ERC1: variants seen among roughly 807,000 people sequenced by gnomAD.
ERC1 encodes ELKS/RAB6-interacting/CAST family member 1, also known as RAB6 interacting protein 2.
In ERC1, 56 loss-of-function variants were observed where a neutral mutation model predicts 132.0. The ratio of observed to expected loss-of-function variants is 0.42; its 90% CI spans 0.34 to 0.53. The LOEUF (loss-of-function observed/expected upper bound fraction) is 0.53. Among genes scored for constraint, ERC1 ranks in the 20% least tolerant of loss-of-function variants. The pLI is 0.03. For synonymous variants in ERC1, 478 were observed against 476.1 expected (o/e 1.00, Z -0.05); for missense variants, 1,202 against 1,349.9 (o/e 0.89, Z 1.72).
At chr12:1,285,867 A>G (rs1383664622) in intron 14 of ERC1, among the ~76,000 whole-genome samples, 2 of 152,218 alleles carry the variant, frequency 1.3e-5, no homozygotes, top group African/African-American at 4.8e-5. Flanking sequence ...GCCTGTCTCA[A>G]TCCTGAACAT....
rs894573537 is a variant in ERC1, at chr12:1,349,589, G to A, written c.2781-22244G>A. Among the ~76,000 whole-genome samples, 7 of 151,580 alleles carry A rather than the reference G, an allele frequency of 4.6e-5. No individual in the cohort carries two copies. The South Asian group carries it at 1.0e-3, about 23-fold the overall frequency. On this transcript the variant is annotated intron_variant, in intron 15 of 18. Coordinates refer to ENST00000360905, the MANE Select transcript of ERC1 (RefSeq NM_178040.4). ...TGAGGCAGGTGAATCGCTTGAACCC[G>A]GGAGGCAGAGGTTGCAGTGAGCCGA...
intron 2 of ERC1, among the ~76,000 whole-genome samples, chr12:1,056,377 A>G (rs1972966600): frequency 6.9e-6 from 1 of 144,862 alleles, no homozygotes. Flanking sequence ...ACAAAGAGTG[A>G]GGTTCAGAGT....
chr12:1,014,021 AT>A (rs55805313), intron 1 of ERC1, among the ~76,000 whole-genome samples: 184 of 147,350 alleles, frequency 1.2e-3, no homozygotes, highest in African/African-American at 1.9e-3. Flanking sequence ...GTGCCTGGTG[AT>A]TTTTTTTTTT....
chr12:1,100,558 G>A (rs1387281533), intron 3 of ERC1, among the ~76,000 whole-genome samples: 1 of 152,170 alleles, frequency 6.6e-6, no homozygotes, highest in Non-Finnish European at 1.5e-5. Flanking sequence ...GAGGTGGTAA[G>A]TTTCAGGATA....
chr12:1,484,359 A>G (rs1473521852), intron 18 of ERC1, among the ~76,000 whole-genome samples: 1 of 152,116 alleles, frequency 6.6e-6, no homozygotes, highest in Non-Finnish European at 1.5e-5. Flanking sequence ...ATACTTGTAC[A>G]TACGTTCTTA....
intron 17 of ERC1, among the ~76,000 whole-genome samples, chr12:1,417,642 G>A (rs148436303): frequency 6.6e-6 from 1 of 152,202 alleles, no homozygotes; most frequent in African/African-American, 2.4e-5. Flanking sequence ...TTAGCTGGGT[G>A]TGGTGGCGCG....
chr12:1,268,889 G>A (rs966448986), intron 14 of ERC1, among the ~76,000 whole-genome samples: 1 of 152,192 alleles, frequency 6.6e-6, no homozygotes, highest in Admixed American at 6.5e-5. Flanking sequence ...AGCTACAGTT[G>A]AGTGTAAATA....
chr12:1,279,220 A>G (rs1171903831), intron 14 of ERC1, among the ~76,000 whole-genome samples: 1 of 152,164 alleles, frequency 6.6e-6, no homozygotes, highest in Admixed American at 6.5e-5. Context: ...AACTTCCTCT[A>G]TAATTTTACC....
chr12:1,309,390 A>G (rs1449633441), intron 15 of ERC1, among the ~76,000 whole-genome samples: 1 of 152,228 alleles, frequency 6.6e-6, no homozygotes, highest in Admixed American at 6.5e-5. Flanking sequence ...GAACTGTGGT[A>G]GTATTGTAGA....
chr12:1,341,415 A>G (rs1293602979), intron 15 of ERC1, among the ~76,000 whole-genome samples: 2 of 152,064 alleles, frequency 1.3e-5, no homozygotes, highest in East Asian at 3.8e-4. Flanking sequence ...ACCAACCCAA[A>G]TGTCCATCAA....
intron 7 of ERC1, among the ~76,000 whole-genome samples, chr12:1,122,199 ATCTGTG>A (rs1390779176): frequency 0.039 from 2,379 of 61,152 alleles, no homozygotes; most frequent in East Asian, 0.058. Context: ...CTCTATCTCT[ATCTGTG>A]TCTCTATCTC....
chr12:1,418,562 T>C (rs1230286901), intron 17 of ERC1, among the ~76,000 whole-genome samples: 1 of 150,448 alleles, frequency 6.6e-6, no homozygotes, highest in East Asian at 1.9e-4. Flanking sequence ...TCTGAAGTCT[T>C]CATTTTCTTT....
chr12:1,093,192 T>C (rs7134570), intron 3 of ERC1, among the ~76,000 whole-genome samples: 82,597 of 152,086 alleles, frequency 0.54, 23,743 homozygotes, highest in East Asian at 0.75. Flanking sequence ...GGCAGGTAAA[T>C]AATTCTCCCC....
chr12:1,052,401 A>G (rs769885691), intron 2 of ERC1, among the ~76,000 whole-genome samples: 1 of 152,240 alleles, frequency 6.6e-6, no homozygotes, highest in Non-Finnish European at 1.5e-5. Context: ...GTGTGGATAA[A>G]TATTAATTAT....
intron 14 of ERC1, among the ~76,000 whole-genome samples, chr12:1,270,677 G>A (rs1342933047): frequency 6.6e-6 from 1 of 151,144 alleles, no homozygotes; most frequent in East Asian, 1.9e-4. Context: ...TATATCTATT[G>A]GTTTTGATTG....
chr12:1,040,422 T>C (rs1182573987), intron 2 of ERC1, among the ~76,000 whole-genome samples: 1 of 151,020 alleles, frequency 6.6e-6, no homozygotes, highest in African/African-American at 2.4e-5. Flanking sequence ...TTCTCCTGCC[T>C]CAGCCTCCCG....
intron 14 of ERC1, among the ~76,000 whole-genome samples, chr12:1,273,270 C>G (rs74689170): frequency 0.026 from 3,891 of 152,156 alleles, 72 homozygotes; most frequent in South Asian, 0.078. Flanking sequence ...TGACTTTTTT[C>G]TCTTAAACAG....
At chr12:1,105,165 C>T (rs1398413418) in intron 4 of ERC1, among the ~76,000 whole-genome samples, 2 of 152,060 alleles carry the variant, frequency 1.3e-5, no homozygotes, top group African/African-American at 4.8e-5. Context: ...TCTGGGTAAC[C>T]ATAGCTTGTC....
chr12:1,406,670 GACC>G (rs2154393997), intron 16 of ERC1, among the ~76,000 whole-genome samples: 1 of 152,074 alleles, frequency 6.6e-6, no homozygotes, highest in Non-Finnish European at 1.5e-5. Flanking sequence ...AGGAGTTCAA[GACC>G]ACCCTAGACA....
Sources: gnomAD v4.1 joint callset for allele counts (sites outside exome capture counted in the v4.1 genomes callset) on GRCh38, gnomAD v4.1.1 for gene constraint, MANE v1.5 for transcripts, NCBI Gene and HGNC (gene_info 2026-07-23, HGNC 2026-07-21) for gene names.